The following XRCC5 variants were observed in gnomAD, a reference collection of about 807,000 sequenced individuals.
XRCC5 encodes DNA repair protein Ku80.
A neutral mutation model predicts 95.7 loss-of-function variants in XRCC5; 12 were observed. The ratio of observed to expected loss-of-function variants is 0.13; its 90% CI spans 0.08 to 0.20. The LOEUF (loss-of-function observed/expected upper bound fraction) is 0.20. XRCC5 is among the 10% of genes least tolerant of loss of function. XRCC5 has a pLI of 1.00. For synonymous variants in XRCC5, 281 were observed against 290.3 expected (o/e 0.97, Z 0.33); for missense variants, 595 against 873.9 (o/e 0.68, Z 4.02).
chr2:216,172,469 CTTTTTTTTT>C (rs746493174), intron 16 of XRCC5, among the ~76,000 whole-genome samples: 2 of 107,802 alleles, frequency 1.9e-5, no homozygotes, highest in African/African-American at 7.9e-5. Flanking sequence ...CTTTTCTTTT[CTTTTTTTTT>C]TTTTTTTTGA....
intron 5 of XRCC5, among the ~76,000 whole-genome samples, chr2:216,119,776 A>T (rs529884325): frequency 8.5e-5 from 13 of 152,366 alleles, no homozygotes; most frequent in African/African-American, 2.6e-4. Flanking sequence ...ATTCCTCCTC[A>T]AAAAGTAACT....
intron 19 of XRCC5, among the ~76,000 whole-genome samples, chr2:216,197,433 G>A (rs1293043273): frequency 3.5e-5 from 4 of 113,662 alleles, no homozygotes; most frequent in East Asian, 3.0e-4. Context: ...CAACGAAAGC[G>A]AAACTCTGTC....
chr2:216,116,583 C>G, intron 2 of XRCC5, 76 bp from the exon 3 acceptor site: 1 of 1,563,914 alleles, frequency 6.4e-7, no homozygotes, highest in Non-Finnish European at 8.7e-7. Flanking sequence ...GGTTGTCCTG[C>G]TCCCTGAAGG....
intron 6 of XRCC5, 48 bp downstream of exon 6, chr2:216,122,301 A>C: frequency 6.5e-7 from 1 of 1,543,846 alleles, no homozygotes. Context: ...ACCCACGTAA[A>C]TTTCTCTTTT....
At chr2:216,181,682 A>G (rs1223387980) in intron 16 of XRCC5, among the ~76,000 whole-genome samples, 1 of 152,202 alleles carries the variant, frequency 6.6e-6, no homozygotes, top group Admixed American at 6.5e-5. Context: ...CTTTACCATC[A>G]GTGAGACAAA....
At chr2:216,188,949 T>C (rs1379549281) in intron 16 of XRCC5, among the ~76,000 whole-genome samples, 5 of 152,214 alleles carry the variant, frequency 3.3e-5, no homozygotes, top group African/African-American at 4.8e-5. Flanking sequence ...TCCGAGTTGG[T>C]AGAAGGGATG....
At chr2:216,119,228 C>T (rs1696757640) in intron 5 of XRCC5, 63 bp downstream of exon 5, 1 of 1,584,672 alleles carries the variant, frequency 6.3e-7, no homozygotes, top group South Asian at 1.1e-5. Context: ...GTGAATGGGC[C>T]CTCTGTATAG....
At chr2:216,135,151 G>A (rs1181393120) in intron 10 of XRCC5, among the ~76,000 whole-genome samples, 1 of 152,112 alleles carries the variant, frequency 6.6e-6, no homozygotes, top group Non-Finnish European at 1.5e-5. Flanking sequence ...GGAGGTCATA[G>A]GTTTTTAACT....
At chr2:216,205,153 T>G (rs2287561) in intron 20 of XRCC5, 35 bp from the exon 21 acceptor site, 193,638 of 1,612,440 alleles carry the variant, frequency 0.12, 12,479 homozygotes, top group African/African-American at 0.21. Context: ...GAAATTGGCC[T>G]GATTCCTTTC....
chr2:216,178,724 T>C (rs1472191223), intron 16 of XRCC5, among the ~76,000 whole-genome samples: 2 of 152,202 alleles, frequency 1.3e-5, no homozygotes, highest in Non-Finnish European at 2.9e-5. Context: ...TAGAGCTTTA[T>C]TGTAACCATT....
intron 20 of XRCC5, among the ~76,000 whole-genome samples, chr2:216,204,841 AT>A (rs1689912630): frequency 6.6e-6 from 1 of 152,162 alleles, no homozygotes; most frequent in Non-Finnish European, 1.5e-5. Flanking sequence ...GCATTTGAGG[AT>A]TTCTGGACCC....
Position 216,134,590 on chromosome 2 carries a change from G to A in XRCC5, c.1113+2203G>A, listed in dbSNP as rs547590266. Among the ~76,000 whole-genome samples, 45 of 151,834 alleles carry A rather than the reference G, an allele frequency of 3.0e-4. No individual in the cohort carries two copies. In the South Asian group the frequency reaches 9.4e-3, roughly 32 times the overall value. On this transcript the variant is annotated intron_variant, in intron 10 of 20. Transcript: ENST00000392132. ...TTACAGATGCCTGCCACAACGCCCGGCTAATTTTTGTATTTTTTGTAGAGA... is the reference window on the plus strand; with the variant it reads ...TTACAGATGCCTGCCACAACGCCCGACTAATTTTTGTATTTTTTGTAGAGA...
At chr2:216,158,747 G>A (rs1688893885) in intron 14 of XRCC5, among the ~76,000 whole-genome samples, 1 of 152,100 alleles carries the variant, frequency 6.6e-6, no homozygotes, top group Non-Finnish European at 1.5e-5. Context: ...ATGCCAAATA[G>A]TGAAAATTTT....
intron 16 of XRCC5, among the ~76,000 whole-genome samples, 170 bp from the exon 17 acceptor site, chr2:216,190,055 T>C (rs1215242713): frequency 6.6e-5 from 10 of 152,184 alleles, no homozygotes; most frequent in African/African-American, 2.4e-4. Context: ...ATACAGAGTT[T>C]TGAAATCAGA....
intron 5 of XRCC5, among the ~76,000 whole-genome samples, chr2:216,121,236 C>A (rs1312882791): frequency 6.6e-6 from 1 of 152,206 alleles, no homozygotes; most frequent in Non-Finnish European, 1.5e-5. Context: ...TCCCTGGAAA[C>A]TTTTTACCTG....
chr2:216,195,086 G>A (rs3821102), intron 19 of XRCC5, 100 bp downstream of exon 19: 129,061 of 1,085,026 alleles, frequency 0.12, 9,102 homozygotes, highest in South Asian at 0.27. Flanking sequence ...AACTAAATTA[G>A]TGTACTCATT....
intron 16 of XRCC5, among the ~76,000 whole-genome samples, chr2:216,183,425 T>G (rs1247007478): frequency 1.3e-5 from 2 of 152,196 alleles, no homozygotes; most frequent in Non-Finnish European, 2.9e-5. Flanking sequence ...GAGAAAATCA[T>G]TAAGCATGAA....
intron 19 of XRCC5, among the ~76,000 whole-genome samples, chr2:216,196,125 CAAGA>C (rs1051196058): frequency 4.0e-5 from 6 of 151,380 alleles, no homozygotes; most frequent in Non-Finnish European, 8.8e-5. Context: ...ATTTTCAACT[CAAGA>C]AAGGCATTTG....
At chr2:216,151,899 A>G (rs1171008611) in intron 14 of XRCC5, among the ~76,000 whole-genome samples, 3 of 152,222 alleles carry the variant, frequency 2.0e-5, no homozygotes, top group African/African-American at 4.8e-5. Context: ...ACAGTTCCAC[A>G]TGGCTGGGGA....
Sources: allele counts gnomAD v4.1 joint callset (sites outside exome capture counted in the v4.1 genomes callset), GRCh38; gene constraint gnomAD v4.1.1; transcripts MANE v1.5; gene names NCBI Gene and HGNC (gene_info 2026-07-23, HGNC 2026-07-21).